Variants in LHX8 observed in about 807,000 individuals in gnomAD.
The protein encoded by LHX8 is LIM/homeobox protein Lhx8.
Under a neutral mutation model 40.3 loss-of-function variants are expected in LHX8, and 12 were observed. The observed-to-expected ratio is 0.30, with a 90% confidence interval of 0.19 to 0.48. The LOEUF (loss-of-function observed/expected upper bound fraction) is 0.48. LHX8 is among the 20% of genes least tolerant of loss of function. The pLI, the probability that LHX8 is intolerant of heterozygous loss-of-function variation, is 0.99. For missense variants in LHX8, 344 were observed against 433.7 expected (o/e 0.79, Z 1.84); for synonymous variants, 179 against 162.0 (o/e 1.10, Z -0.80).
upstream of LHX8, among the ~76,000 whole-genome samples, chr1:75,129,756 G>C (rs1022506664): frequency 2.6e-5 from 4 of 152,190 alleles, no homozygotes; most frequent in Non-Finnish European, 4.4e-5. Flanking sequence ...TGGGGAAGTG[G>C]GAAAACGGGG....
intron 6 of LHX8, among the ~76,000 whole-genome samples, chr1:75,145,641 A>G (rs1389685134): frequency 6.6e-6 from 1 of 152,118 alleles, no homozygotes; most frequent in African/African-American, 2.4e-5. Context: ...GGTTGAGAAG[A>G]GATTTGGAAC....
downstream of LHX8, among the ~76,000 whole-genome samples, chr1:75,161,815 A>G (rs1648927163): frequency 6.6e-6 from 1 of 152,126 alleles, no homozygotes; most frequent in African/African-American, 2.4e-5. Flanking sequence ...TATGGGCCAT[A>G]ATATATTTCT....
At chr1:75,136,790 C>A in intron 2 of LHX8, 101 bp downstream of exon 2, 1 of 940,722 alleles carries the variant, frequency 1.1e-6, no homozygotes, top group Non-Finnish European at 1.6e-6. Flanking sequence ...CCCAGCTGGC[C>A]CCTCCTGCAG....
chr1:75,137,639 T>A (rs1197841072), intron 3 of LHX8, among the ~76,000 whole-genome samples: 1 of 152,152 alleles, frequency 6.6e-6, no homozygotes, highest in Non-Finnish European at 1.5e-5. Context: ...TTCTTAAACA[T>A]CTTTGTTCCC....
chr1:75,155,644 C>T (rs1185630133), intron 7 of LHX8, among the ~76,000 whole-genome samples: 1 of 152,134 alleles, frequency 6.6e-6, no homozygotes, highest in Non-Finnish European at 1.5e-5. Context: ...TTGCCCTGAC[C>T]TGGATGTAAA....
At chr1:75,162,607 G>A (rs1186833892), downstream of LHX8, among the ~76,000 whole-genome samples, 1 of 151,876 alleles carries the variant, frequency 6.6e-6, no homozygotes, top group Non-Finnish European at 1.5e-5. Context: ...ACCCTTTTTA[G>A]TTCCAAAGAT....
At chr1:75,194,992 T>C in the LHX8 span, among the ~76,000 whole-genome samples, 4 of 152,318 alleles carry the variant, frequency 2.6e-5, no homozygotes, top group South Asian at 2.1e-4. Context: ...CAGAGATCCA[T>C]GATCATTTGC....
the LHX8 span, among the ~76,000 whole-genome samples, chr1:75,187,921 T>A: frequency 1.3e-5 from 2 of 152,006 alleles, no homozygotes; most frequent in African/African-American, 4.8e-5. Context: ...ATAAGAAAGA[T>A]CCCTGAGGAG....
At chr1:75,151,183 G>A (rs545763311) in intron 7 of LHX8, among the ~76,000 whole-genome samples, 3 of 152,262 alleles carry the variant, frequency 2.0e-5, no homozygotes, top group African/African-American at 7.2e-5. Context: ...TCACCTGTAC[G>A]AAGAAGCAGA....
At chr1:75,194,102 T>A in the LHX8 span, among the ~76,000 whole-genome samples, 442 of 152,324 alleles carry the variant, frequency 2.9e-3, 2 homozygotes, top group African/African-American at 0.01. Flanking sequence ...GCTGAAAATA[T>A]GAAACAAATA....
downstream of LHX8, among the ~76,000 whole-genome samples, chr1:75,165,229 TATC>T (rs1366880214): frequency 2.0e-5 from 3 of 152,238 alleles, no homozygotes; most frequent in African/African-American, 7.2e-5. Flanking sequence ...CGTTTCTGTA[TATC>T]ATCATGCTCT....
the LHX8 span, among the ~76,000 whole-genome samples, chr1:75,198,876 C>A: frequency 6.6e-6 from 1 of 152,102 alleles, no homozygotes; most frequent in Non-Finnish European, 1.5e-5. Context: ...GAAAAAGAAT[C>A]CATCTTGGTG....
rs12084309 is a variant in LHX8 at position 75,143,169 on chromosome 1, C to T, written c.411C>T (p.Asp137=). ...GTGGGAGACACATCCATTCTACTGACTGGGTCCGGAGAGCCAAGGGGAATG... is the reference window on the plus strand; with the variant it reads ...GTGGGAGACACATCCATTCTACTGATTGGGTCCGGAGAGCCAAGGGGAATG... ...SRCGRHIHST[D]WVRRAKGNVY... The change falls in exon 5 of 9, where the codon GAC becomes GAT. Residue 137 remains aspartate (D), a synonymous_variant. Coordinates refer to ENST00000356261, the MANE Select transcript of LHX8 (RefSeq NM_001256114.2). The T allele has an allele frequency of 1.7e-3, 2,739 of 1,613,766 alleles. 51 individuals are homozygous for T. In the African/African-American group the frequency reaches 0.032, roughly 19 times the overall value.
At chr1:75,136,962 C>T (rs1648160122) in intron 2 of LHX8, 138 bp from the exon 3 acceptor site, 2 of 931,710 alleles carry the variant, frequency 2.1e-6, no homozygotes, top group East Asian at 3.1e-5. Context: ...GGGCGAGAAT[C>T]GTGACCTCAA....
the LHX8 span, among the ~76,000 whole-genome samples, chr1:75,189,867 G>A: frequency 9.3e-4 from 142 of 152,162 alleles, 1 homozygote; most frequent in African/African-American, 3.1e-3. Context: ...ACTGAATATC[G>A]CCTAACACTA....
chr1:75,137,609 C>A (rs1262480610), intron 3 of LHX8, among the ~76,000 whole-genome samples: 2 of 152,186 alleles, frequency 1.3e-5, no homozygotes, highest in Admixed American at 6.5e-5. Flanking sequence ...TTATTTTTCA[C>A]CCAGCCCCGA....
chr1:75,141,655 G>T (rs998299201), intron 4 of LHX8, among the ~76,000 whole-genome samples: 5 of 152,028 alleles, frequency 3.3e-5, no homozygotes, highest in East Asian at 1.9e-4. Context: ...TCTTTTGTCC[G>T]ATCTTCAGTT....
intron 5 of LHX8, 103 bp downstream of exon 5, chr1:75,143,441 A>T: frequency 1.3e-6 from 1 of 798,072 alleles, no homozygotes; most frequent in Non-Finnish European, 2.0e-6. Context: ...TGTACAATGT[A>T]TAAGTGTGGT....
At chr1:75,147,284 C>A (rs1648484999) in intron 6 of LHX8, among the ~76,000 whole-genome samples, 1 of 152,198 alleles carries the variant, frequency 6.6e-6, no homozygotes, top group Admixed American at 6.5e-5. Flanking sequence ...CAGAAGGTTT[C>A]CCAGAACAAT....
Sources: allele counts gnomAD v4.1 joint callset (sites outside exome capture counted in the v4.1 genomes callset), GRCh38; gene constraint gnomAD v4.1.1; transcripts MANE v1.5; gene names NCBI Gene and HGNC (gene_info 2026-07-23, HGNC 2026-07-21).